NELL2: variants seen among roughly 807,000 people sequenced by gnomAD.
NELL2 encodes neural EGFL like 2.
NELL2 carries 41 observed loss-of-function variants against 109.6 expected under a neutral mutation model. The observed-to-expected ratio is 0.37, with a 90% CI of 0.29 to 0.49. The LOEUF (loss-of-function observed/expected upper bound fraction) is 0.49. NELL2 is among the 20% of genes least tolerant of loss of function. The probability of loss-of-function intolerance (pLI) is 0.98; values close to 1 mark genes in which losing one functional copy is unlikely to be tolerated. For missense variants in NELL2, 900 were observed against 1,008.3 expected, an observed-to-expected ratio of 0.89 and a Z score of 1.45; for synonymous variants, 355 against 344.7, an observed-to-expected ratio of 1.03 and a Z score of -0.33.
At chr12:44,600,001 G>A (rs895300236) in intron 15 of NELL2, among the ~76,000 whole-genome samples, 65 of 126,572 alleles carry the variant, frequency 5.1e-4, no homozygotes, top group African/African-American at 1.6e-3. Flanking sequence ...TCGCTCTGCC[G>A]CCCAGGCTGG....
intron 15 of NELL2, among the ~76,000 whole-genome samples, chr12:44,554,361 C>A (rs1943157754): frequency 6.6e-6 from 1 of 152,010 alleles, no homozygotes; most frequent in Admixed American, 6.6e-5. Flanking sequence ...CAATACAGTA[C>A]ATACTATATG....
chr12:44,637,943 C>A (rs1472178107), intron 13 of NELL2, among the ~76,000 whole-genome samples: 1 of 152,004 alleles, frequency 6.6e-6, no homozygotes, highest in African/African-American at 2.4e-5. Flanking sequence ...ATTGGTCCAA[C>A]CTGTTTCACT....
At chr12:44,664,469 T>C (rs1333962894) in intron 13 of NELL2, among the ~76,000 whole-genome samples, 2 of 152,084 alleles carry the variant, frequency 1.3e-5, no homozygotes, top group East Asian at 3.9e-4. Context: ...AGGCTATCAA[T>C]TAGCAGACAG....
intron 13 of NELL2, among the ~76,000 whole-genome samples, chr12:44,636,340 G>T (rs1169492128): frequency 6.6e-6 from 1 of 152,166 alleles, no homozygotes; most frequent in Admixed American, 6.6e-5. Flanking sequence ...AGTGATGAGA[G>T]AGGGCATCCT....
chr12:44,780,072 C>G (rs755086249), intron 3 of NELL2, 50 bp from the exon 4 acceptor site: 5 of 1,584,734 alleles, frequency 3.2e-6, no homozygotes, highest in Non-Finnish European at 3.4e-6. Context: ...AGTTCAAAAA[C>G]GATTGAAGTG....
chr12:44,920,474 T>C (rs753765492), intron 1 of NELL2, among the ~76,000 whole-genome samples: 3 of 152,328 alleles, frequency 2.0e-5, no homozygotes, highest in South Asian at 2.1e-4. Context: ...ATTACAACCT[T>C]CATGTAACAA....
intron 13 of NELL2, among the ~76,000 whole-genome samples, chr12:44,641,920 C>T (rs1289955282): frequency 6.6e-6 from 1 of 152,038 alleles, no homozygotes; most frequent in Admixed American, 6.6e-5. Context: ...TGGTCTTGAA[C>T]TCCTGAGCTC....
chr12:44,573,783 T>C (rs1555178330), intron 15 of NELL2, among the ~76,000 whole-genome samples: 5 of 152,224 alleles, frequency 3.3e-5, no homozygotes, highest in Non-Finnish European at 4.4e-5. Context: ...GAGACCTTAA[T>C]AAATGCAAGA....
At chr12:44,538,492 C>T (rs138054862) in intron 15 of NELL2, among the ~76,000 whole-genome samples, 30 of 152,122 alleles carry the variant, frequency 2.0e-4, no homozygotes, top group South Asian at 8.3e-4. Flanking sequence ...TTTTGTAAGA[C>T]GGATTTAGGT....
chr12:44,869,762 T>G (rs1945111089), intron 2 of NELL2, among the ~76,000 whole-genome samples: 1 of 152,174 alleles, frequency 6.6e-6, no homozygotes, highest in Non-Finnish European at 1.5e-5. Context: ...CAAAATATTT[T>G]CTAGTCACAT....
At chr12:44,751,154 A>G (rs1462358063) in intron 9 of NELL2, among the ~76,000 whole-genome samples, 1 of 152,130 alleles carries the variant, frequency 6.6e-6, no homozygotes, top group African/African-American at 2.4e-5. Flanking sequence ...AAGGGATGAG[A>G]GACAGGGTAA....
chr12:44,916,698 A>G (rs1347328317), upstream of NELL2, among the ~76,000 whole-genome samples: 1 of 152,198 alleles, frequency 6.6e-6, no homozygotes, highest in East Asian at 1.9e-4. Context: ...AGTCAAGAAA[A>G]TGACAAATTT....
chr12:44,697,278 G>A (rs1250572029), intron 12 of NELL2, among the ~76,000 whole-genome samples: 1 of 152,168 alleles, frequency 6.6e-6, no homozygotes, highest in East Asian at 1.9e-4. Context: ...GCTGGAGCCT[G>A]ACCGGGCAGC....
intron 12 of NELL2, among the ~76,000 whole-genome samples, chr12:44,701,482 T>C (rs1331026965): frequency 1.3e-5 from 2 of 152,138 alleles, no homozygotes; most frequent in Non-Finnish European, 1.5e-5. Flanking sequence ...TTGGTCTTTA[T>C]GATTAGGCCA....
At chr12:44,876,646 A>C (rs1210673960), upstream of NELL2, 1 of 1,551,428 alleles carries the variant, frequency 6.4e-7, no homozygotes, top group South Asian at 1.2e-5. Flanking sequence ...ACAGGAGAGA[A>C]AAAAGACCAC....
intron 9 of NELL2, among the ~76,000 whole-genome samples, chr12:44,719,463 A>G (rs768103784): frequency 8.5e-4 from 129 of 152,154 alleles, no homozygotes; most frequent in Non-Finnish European, 1.5e-3. Context: ...ACATTTCCTC[A>G]CTACATATCT....
intron 2 of NELL2, among the ~76,000 whole-genome samples, chr12:44,836,056 G>A (rs1375117705): frequency 6.6e-6 from 1 of 152,186 alleles, no homozygotes; most frequent in Non-Finnish European, 1.5e-5. Context: ...CTAGACAGGT[G>A]GTTAGGAACA....
At chr12:44,867,908 T>A (rs1479238543) in intron 2 of NELL2, among the ~76,000 whole-genome samples, 1 of 151,854 alleles carries the variant, frequency 6.6e-6, no homozygotes, top group Non-Finnish European at 1.5e-5. Flanking sequence ...TCACTTGAGG[T>A]GAGGAGTTCA....
chr12:44,825,815 G>T (rs1460848223), intron 2 of NELL2, among the ~76,000 whole-genome samples: 3 of 151,606 alleles, frequency 2.0e-5, no homozygotes, highest in Non-Finnish European at 4.4e-5. Flanking sequence ...GGAGGCCGAG[G>T]CGAGTGGATC....
Sources: gnomAD v4.1 joint callset for allele counts (sites outside exome capture counted in the v4.1 genomes callset) on GRCh38, gnomAD v4.1.1 for gene constraint, MANE v1.5 for transcripts, NCBI Gene and HGNC (gene_info 2026-07-23, HGNC 2026-07-21) for gene names.